The following UGGT2 variants were observed in gnomAD, a reference collection of about 807,000 sequenced individuals.
UGGT2 encodes the protein UDP-glucose glycoprotein glucosyltransferase 2.
Under a neutral mutation model 192.1 loss-of-function variants are expected in UGGT2, and 180 were observed. The ratio of observed to expected loss-of-function variants is 0.94; its 90% CI spans 0.83 to 1.06. UGGT2 has a LOEUF of 1.06. Ranked by LOEUF, UGGT2 falls within the 50% of genes least tolerant of loss-of-function variation. The pLI is 0.00. For missense variants in UGGT2, 1,849 were observed against 1,795.7 expected, an observed-to-expected ratio of 1.03 and a Z score of -0.54; for synonymous variants, 580 against 591.0, an observed-to-expected ratio of 0.98 and a Z score of 0.27.
At chr13:95,937,435 GGT>G (rs2049502825) in intron 16 of UGGT2, among the ~76,000 whole-genome samples, 2 of 152,010 alleles carry the variant, frequency 1.3e-5, no homozygotes, top group South Asian at 4.1e-4. Context: ...ACAAGCAGTG[GGT>G]GGACTTGCTG....
At chr13:95,991,380 G>C in intron 7 of UGGT2, 1 of 424,642 alleles carries the variant, frequency 2.4e-6, no homozygotes, top group East Asian at 7.1e-5. Flanking sequence ...ATCCCCTCCA[G>C]CATCTGTCGT....
At chr13:95,843,544 C>T (rs1888082363) in intron 36 of UGGT2, among the ~76,000 whole-genome samples, 1 of 152,054 alleles carries the variant, frequency 6.6e-6, no homozygotes, top group Admixed American at 6.5e-5. Flanking sequence ...CCTAAAAAAT[C>T]TCTGCTTAAC....
intron 12 of UGGT2, among the ~76,000 whole-genome samples, chr13:95,962,296 T>G (rs1386396168): frequency 6.6e-6 from 1 of 152,050 alleles, no homozygotes; most frequent in Admixed American, 6.5e-5. Flanking sequence ...AGTTTGTTTT[T>G]TGAAAAGATA....
chr13:95,850,939 A>G (rs1364828545), intron 36 of UGGT2, among the ~76,000 whole-genome samples: 1 of 152,216 alleles, frequency 6.6e-6, no homozygotes, highest in Non-Finnish European at 1.5e-5. Flanking sequence ...GGCAGCCCAT[A>G]TCCAATGACT....
At chr13:95,882,984 A>G (rs569218260) in intron 27 of UGGT2, among the ~76,000 whole-genome samples, 25 of 152,082 alleles carry the variant, frequency 1.6e-4, no homozygotes, top group African/African-American at 5.3e-4. Flanking sequence ...TTCACTTCTT[A>G]TAAGATTCAT....
chr13:96,040,297 G>A (rs1005619276), intron 1 of UGGT2, among the ~76,000 whole-genome samples: 2 of 152,152 alleles, frequency 1.3e-5, no homozygotes, highest in African/African-American at 4.8e-5. Context: ...AGGCTCTAAG[G>A]GAGACTGTTC....
chr13:95,949,950 G>A (rs899613335), intron 12 of UGGT2, among the ~76,000 whole-genome samples: 4 of 152,072 alleles, frequency 2.6e-5, no homozygotes, highest in African/African-American at 4.8e-5. Context: ...GCATGTGGTC[G>A]GGGAAGCAAC....
chr13:95,970,276 G>T lies in UGGT2; in HGVS notation c.1185-14C>A. On this transcript the variant is annotated splice_polypyrimidine_tract_variant and intron_variant, in intron 11 of 38. Transcript: ENST00000376747. ...ATATCCAAAATACTATATATTCAAA[G>T]AAAAAACAGTTTTATTTTGATTTTC... is the stretch of plus-strand genomic sequence containing the variant. 6.4e-7 allele frequency: 1 copy of T among 1,566,122 alleles called. No individual in the cohort carries two copies.
In UGGT2 at chr13:95,867,762, T is replaced by A. The variant is rs557612425; in HGVS notation, c.3474-339A>T. Among the ~76,000 whole-genome samples, 8 of 152,294 alleles carry A rather than the reference T, an allele frequency of 5.3e-5. 1 individual carries two copies. The highest frequency in any genetic ancestry group is 1.9e-4 in the African/African-American group (8 of 41,582). The stretch of plus-strand genomic sequence containing the variant: ...AAAATCTTTCACATCCCTGATATAT[T>A]GTAGTGATAATTACAATTTTTTACA... On this transcript the variant is annotated intron_variant, in intron 29 of 38. Transcript: ENST00000376747.
In UGGT2 at chr13:95,972,632, G is replaced by A. The variant is rs187205148; in HGVS notation, c.1132C>T (p.Arg378Cys). 9.3e-6 allele frequency: 15 copies of A among 1,613,692 alleles called. No individual in the cohort carries two copies. The highest frequency in any genetic ancestry group is 8.3e-5 in the Admixed American group (5 of 60,004). ...ACACGAAGGCCATTTATAAATAGAC[G>A]AGCATCGCCTGGCTGAATTTTAAAT... ...VRFKIQPGDARLFINGLRVDM... is the reference protein window; with the variant it reads ...VRFKIQPGDACLFINGLRVDM... Residue 378 changes from arginine to cysteine, a missense_variant, in exon 11 of 39, where the codon CGT becomes TGT. Arg to Cys is a radical substitution (Grantham distance 180). Transcript: ENST00000376747.
intron 10 of UGGT2, among the ~76,000 whole-genome samples, chr13:95,979,546 C>T (rs201763718): frequency 5.2e-3 from 31 of 5,908 alleles, no homozygotes; most frequent in African/African-American, 0.011. Flanking sequence ...TGGTCTCTTA[C>T]GCAAAAAAAA....
chr13:95,874,186 C>T (rs1044814423), intron 29 of UGGT2, among the ~76,000 whole-genome samples: 2 of 152,100 alleles, frequency 1.3e-5, no homozygotes, highest in Admixed American at 6.5e-5. Context: ...TGTTTTGTAA[C>T]TTATAAAAGG....
chr13:95,824,104 C>A (rs1415394729), intron 38 of UGGT2, among the ~76,000 whole-genome samples: 1 of 152,060 alleles, frequency 6.6e-6, no homozygotes, highest in Non-Finnish European at 1.5e-5. Context: ...TTTAAGGAGG[C>A]TAAAGATAGG....
intron 37 of UGGT2, among the ~76,000 whole-genome samples, chr13:95,835,457 GCCT>G (rs1209826173): frequency 2.6e-5 from 4 of 152,094 alleles, no homozygotes; most frequent in Non-Finnish European, 5.9e-5. Flanking sequence ...AATGTTCTTG[GCCT>G]CTCTTTATGA....
chr13:95,902,524 C>CT (rs1566663221), intron 21 of UGGT2, among the ~76,000 whole-genome samples: 1 of 150,228 alleles, frequency 6.7e-6, no homozygotes, highest in African/African-American at 2.5e-5. Context: ...TCGTTGAAAC[C>CT]CCCCCCATAA....
chr13:95,815,391 T>C lies in UGGT2; in HGVS notation c.4529-13579A>G, dbSNP rs973841573. Reference sequence around the variant, plus strand: ...CTCTACTAGAACTAATAAGTGAGTATAGCAAAGCCACAGGACATAAGTCCA... The same window carrying C: ...CTCTACTAGAACTAATAAGTGAGTACAGCAAAGCCACAGGACATAAGTCCA... On this transcript the variant is annotated intron_variant, in intron 38 of 38. Coordinates refer to ENST00000376747, the MANE Select transcript of UGGT2 (RefSeq NM_020121.4). Among the ~76,000 whole-genome samples, 5 of 152,216 alleles carry C rather than the reference T, an allele frequency of 3.3e-5. No individual in the cohort carries two copies. The East Asian group carries it at 7.7e-4, about 23-fold the overall frequency.
Position 96,041,306 on chromosome 13 carries a change from A to G in UGGT2, c.159-9335T>C, listed in dbSNP as rs541639214. ...CTGAGTCAATTTAGAGAGCCAAGCA[A>G]AATACAAGGGTAGAGGAAGCAGCAG... On this transcript the variant is annotated intron_variant, in intron 1 of 38. Transcript: ENST00000376747. Among the ~76,000 whole-genome samples the G allele has an allele frequency of 2.8e-4, 43 of 152,264 alleles. No homozygotes were observed. The South Asian group carries it at 8.9e-3, about 32-fold the overall frequency.
chr13:95,898,638 C>T (rs1250667161), intron 22 of UGGT2, among the ~76,000 whole-genome samples: 2 of 152,058 alleles, frequency 1.3e-5, no homozygotes, highest in East Asian at 3.9e-4. Flanking sequence ...GAGCTGGGGC[C>T]TAATGGGAGG....
intron 4 of UGGT2, among the ~76,000 whole-genome samples, chr13:96,020,945 T>TAG (rs1455062053): frequency 6.6e-6 from 1 of 152,206 alleles, no homozygotes; most frequent in African/African-American, 2.4e-5. Flanking sequence ...GCTCATGACA[T>TAG]AGAGCAAGCA....
Sources: gnomAD v4.1 joint callset for allele counts (sites outside exome capture counted in the v4.1 genomes callset) on GRCh38, gnomAD v4.1.1 for gene constraint, MANE v1.5 for transcripts, NCBI Gene and HGNC (gene_info 2026-07-23, HGNC 2026-07-21) for gene names.